Variants in DLG2 observed in about 807,000 individuals in gnomAD.
DLG2 encodes discs large MAGUK scaffold protein 2.
DLG2 carries 45 observed loss-of-function variants against 132.5 expected under a neutral mutation model. That is an observed-to-expected ratio of 0.34 (90% confidence interval 0.27 to 0.44). The LOEUF (loss-of-function observed/expected upper bound fraction) is 0.44. Ranked by LOEUF, DLG2 falls within the 20% of genes least tolerant of loss-of-function variation. The pLI is 1.00. For missense variants in DLG2, 1,045 were observed against 1,196.9 expected, an observed-to-expected ratio of 0.87 and a Z score of 1.87; for synonymous variants, 424 against 419.6, an observed-to-expected ratio of 1.01 and a Z score of -0.13.
intron 6 of DLG2, among the ~76,000 whole-genome samples, chr11:84,651,709 G>C (rs928040336): frequency 6.6e-5 from 10 of 152,168 alleles, no homozygotes; most frequent in African/African-American, 2.4e-4. Context: ...ATGTGTTAAT[G>C]GGAAAAGGGA....
chr11:84,595,777 C>A (rs1240304052), intron 6 of DLG2, among the ~76,000 whole-genome samples: 1 of 152,192 alleles, frequency 6.6e-6, no homozygotes, highest in Admixed American at 6.5e-5. Flanking sequence ...ATCACAAAAT[C>A]ATCCAAATAC....
At chr11:85,203,420 T>C (rs946672455) in intron 4 of DLG2, among the ~76,000 whole-genome samples, 1 of 151,934 alleles carries the variant, frequency 6.6e-6, no homozygotes, top group Non-Finnish European at 1.5e-5. Context: ...GACAACTATA[T>C]GCCAACACAT....
At chr11:85,068,326 A>C (rs1421685845) in intron 6 of DLG2, among the ~76,000 whole-genome samples, 3 of 152,110 alleles carry the variant, frequency 2.0e-5, no homozygotes, top group Non-Finnish European at 4.4e-5. Context: ...GAAGGAAATA[A>C]AGGGTATTCA....
intron 7 of DLG2, among the ~76,000 whole-genome samples, chr11:84,344,541 T>A (rs932299274): frequency 2.0e-5 from 3 of 152,162 alleles, no homozygotes; most frequent in African/African-American, 4.8e-5. Context: ...GGTTGAAAGC[T>A]CAGTGAAGTG....
intron 15 of DLG2, among the ~76,000 whole-genome samples, chr11:83,910,653 TG>T (rs2154110959): frequency 6.6e-6 from 1 of 152,246 alleles, no homozygotes; most frequent in South Asian, 2.1e-4. Context: ...GAAACATCAC[TG>T]CACTCCAAGA....
rs370743655 is a variant in DLG2 at position 83,628,096 on chromosome 11, T to C, written c.1940+5115A>G. ...TTCTTGTAAATTTGTTTGAGTTCAT[T>C]GTAGATTCTGGATATTAGCCCTTTG... On this transcript the variant is annotated intron_variant, in intron 19 of 27. Transcript: ENST00000376104. 1.2e-4 allele frequency among the ~76,000 whole-genome samples: 19 copies of C among 152,214 alleles called. No individual in the cohort carries two copies. The East Asian group carries it at 2.9e-3, about 23-fold the overall frequency.
At chr11:85,617,035 A>C (rs2081385757) in intron 2 of DLG2, among the ~76,000 whole-genome samples, 1 of 152,230 alleles carries the variant, frequency 6.6e-6, no homozygotes, top group Non-Finnish European at 1.5e-5. Context: ...GAAGTGGGGA[A>C]AACTTCAAAA....
chr11:84,798,229 G>A (rs942816799), intron 6 of DLG2, among the ~76,000 whole-genome samples: 1 of 152,122 alleles, frequency 6.6e-6, no homozygotes, highest in Admixed American at 6.5e-5. Context: ...AGATGGCAAA[G>A]CCATTCAGGT....
At chr11:84,733,716 C>A (rs1190145082) in intron 6 of DLG2, among the ~76,000 whole-genome samples, 1 of 152,114 alleles carries the variant, frequency 6.6e-6, no homozygotes, top group Non-Finnish European at 1.5e-5. Flanking sequence ...CTTGCCCATG[C>A]CTATGTCCTG....
Position 85,073,370 on chromosome 11 carries a change from A to G in DLG2, c.357+38291T>C, listed in dbSNP as rs74621539. ...CTTGTGCCATGGTAGTGGCTGAATA[A>G]CCTTTTAACAAGTTCTTAACCTTTC... is the stretch of plus-strand genomic sequence containing the variant. On this transcript the variant is annotated intron_variant, in intron 6 of 27. Transcript: ENST00000376104. 0.011 allele frequency among the ~76,000 whole-genome samples: 1,724 copies of G among 151,986 alleles called. 96 individuals are homozygous for G. In the East Asian group the frequency reaches 0.16, roughly 14 times the overall value.
chr11:83,649,838 TC>T (rs1320224259), intron 18 of DLG2, among the ~76,000 whole-genome samples: 1 of 152,186 alleles, frequency 6.6e-6, no homozygotes, highest in Admixed American at 6.5e-5. Context: ...CTGTTTTTCC[TC>T]CATGATTTCT....
Position 83,749,654 on chromosome 11 carries a change from C to G in DLG2, c.1825+37036G>C, listed in dbSNP as rs533345044. On this transcript the variant is annotated intron_variant, in intron 18 of 27. Coordinates refer to ENST00000376104, the MANE Select transcript of DLG2 (RefSeq NM_001142699.3). ...TAAGCACTAACAGAGAGAAATGCAT[C>G]TCTAAGATGCAATTTCAAATCCTGA... Among the ~76,000 whole-genome samples, 42 of 152,280 alleles carry G rather than the reference C, an allele frequency of 2.8e-4. No homozygotes were observed. The South Asian group carries it at 8.3e-3, about 30-fold the overall frequency.
intron 7 of DLG2, among the ~76,000 whole-genome samples, chr11:84,523,192 T>G (rs1445393203): frequency 2.0e-5 from 3 of 152,208 alleles, no homozygotes. Flanking sequence ...TTTCTATTTT[T>G]TTAATGTGAA....
At chr11:83,594,422 TAC>T (rs1159344650) in intron 19 of DLG2, among the ~76,000 whole-genome samples, 2 of 152,222 alleles carry the variant, frequency 1.3e-5, no homozygotes, top group African/African-American at 4.8e-5. Flanking sequence ...GCTTTGTTAA[TAC>T]AGTCTTGAGT....
chr11:85,150,699 AGTGTGTGTGTGTGTGTGTGT>A (rs71036459), intron 5 of DLG2, among the ~76,000 whole-genome samples: 36 of 127,346 alleles, frequency 2.8e-4, no homozygotes, highest in South Asian at 8.6e-4. Flanking sequence ...AAGGCTACAT[AGTGTGTGTGTGTGTGTGTGT>A]GTGTGTGTGT....
At chr11:84,365,531 AG>A (rs1313623702) in intron 7 of DLG2, among the ~76,000 whole-genome samples, 1 of 151,436 alleles carries the variant, frequency 6.6e-6, no homozygotes, top group Non-Finnish European at 1.5e-5. Context: ...CTCTGATTTC[AG>A]TTATTTCTTG....
intron 7 of DLG2, among the ~76,000 whole-genome samples, chr11:84,488,763 G>A (rs1216915183): frequency 6.6e-6 from 1 of 152,086 alleles, no homozygotes; most frequent in East Asian, 1.9e-4. Flanking sequence ...AAAGATGACT[G>A]CAGATTTTCA....
intron 3 of DLG2, among the ~76,000 whole-genome samples, chr11:85,516,984 T>C (rs1357045663): frequency 6.6e-6 from 1 of 151,614 alleles, no homozygotes; most frequent in Non-Finnish European, 1.5e-5. Flanking sequence ...AAGGAAAAAC[T>C]ACAGACCAGT....
intron 7 of DLG2, among the ~76,000 whole-genome samples, chr11:84,526,137 A>G (rs1007928844): frequency 1.3e-5 from 2 of 152,160 alleles, no homozygotes; most frequent in Non-Finnish European, 2.9e-5. Context: ...ATGACAAAAT[A>G]TGTCTGGGAA....
Sources: gnomAD v4.1 joint callset for allele counts (sites outside exome capture counted in the v4.1 genomes callset) on GRCh38, gnomAD v4.1.1 for gene constraint, MANE v1.5 for transcripts, NCBI Gene and HGNC (gene_info 2026-07-23, HGNC 2026-07-21) for gene names.